ITK: variants seen among roughly 807,000 people sequenced by gnomAD.
The protein encoded by ITK is tyrosine-protein kinase ITK/TSK.
A neutral mutation model predicts 87.6 loss-of-function variants in ITK; 45 were observed. The observed-to-expected ratio is 0.51, with a 90% CI of 0.40 to 0.66. The LOEUF is 0.66. Ranked by LOEUF, ITK falls within the 30% of genes least tolerant of loss-of-function variation. The probability of loss-of-function intolerance (pLI) is 0.00; values close to 1 mark genes in which losing one functional copy is unlikely to be tolerated. For missense variants in ITK, 605 were observed against 766.3 expected, an observed-to-expected ratio of 0.79 and a Z score of 2.48; for synonymous variants, 303 against 273.6, an observed-to-expected ratio of 1.11 and a Z score of -1.06.
intron 1 of ITK, among the ~76,000 whole-genome samples, chr5:157,190,059 C>T (rs1256529378): frequency 6.6e-6 from 1 of 152,166 alleles, no homozygotes; most frequent in Non-Finnish European, 1.5e-5. Flanking sequence ...TTTGGATCAA[C>T]AGTCTTCTCA....
chr5:157,187,725 C>T (rs762220816), intron 1 of ITK, among the ~76,000 whole-genome samples: 1 of 152,144 alleles, frequency 6.6e-6, no homozygotes, highest in African/African-American at 2.4e-5. Flanking sequence ...AATTAAGCAA[C>T]TCTTTTCTCC....
intron 1 of ITK, among the ~76,000 whole-genome samples, chr5:157,193,303 G>T (rs1052931267): frequency 6.6e-6 from 1 of 152,140 alleles, no homozygotes; most frequent in Admixed American, 6.5e-5. Flanking sequence ...GCCAAACATG[G>T]AAATCTTTCC....
chr5:157,213,657 C>T (rs1486134692), intron 3 of ITK: 6 of 426,546 alleles, frequency 1.4e-5, no homozygotes, highest in African/African-American at 1.2e-4. Context: ...ACTGGGATTA[C>T]AAGCATGAGC....
chr5:157,241,945 G>A (rs1754916942), intron 11 of ITK, among the ~76,000 whole-genome samples: 1 of 152,184 alleles, frequency 6.6e-6, no homozygotes, highest in Admixed American at 6.5e-5. Context: ...ATTGGTTTTA[G>A]TGAAGAGTTC....
At chr5:157,241,948 A>C (rs906562291) in intron 11 of ITK, among the ~76,000 whole-genome samples, 2 of 152,192 alleles carry the variant, frequency 1.3e-5, no homozygotes, top group African/African-American at 4.8e-5. Flanking sequence ...GGTTTTAGTG[A>C]AGAGTTCATT....
intron 1 of ITK, among the ~76,000 whole-genome samples, chr5:157,188,094 C>T (rs1311113296): frequency 1.3e-5 from 2 of 152,294 alleles, no homozygotes; most frequent in South Asian, 4.1e-4. Context: ...AGCCACCATG[C>T]CTCGCCATGC....
chr5:157,244,168 C>T, intron 12 of ITK, 94 bp from the exon 13 acceptor site: 1 of 1,006,624 alleles, frequency 9.9e-7, no homozygotes, highest in East Asian at 2.4e-5. Flanking sequence ...ATAAATTAGA[C>T]AAAATGACCA....
rs567009109 is a variant in ITK, at chr5:157,221,561, C to A, written c.496-1302C>A. On this transcript the variant is annotated intron_variant, in intron 5 of 16. Coordinates refer to ENST00000422843, the MANE Select transcript of ITK (RefSeq NM_005546.4). ...CCTCAAACTGTGATGTTCAAAATAA[C>A]CCCCATATTCCAAGCTTGCATGATT... 2.0e-5 allele frequency among the ~76,000 whole-genome samples: 3 copies of A among 152,154 alleles called. No homozygotes were observed. In the East Asian group the frequency reaches 5.8e-4, roughly 29 times the overall value.
chr5:157,186,537 A>T (rs1580872138), intron 1 of ITK, among the ~76,000 whole-genome samples: 1 of 152,272 alleles, frequency 6.6e-6, no homozygotes, highest in East Asian at 1.9e-4. Flanking sequence ...TTAGCCAGGC[A>T]TGGTGGCAGA....
At chr5:157,232,303 A>T in intron 7 of ITK, 37 bp from the exon 8 acceptor site, 1 of 1,393,582 alleles carries the variant, frequency 7.2e-7, no homozygotes, top group Non-Finnish European at 1.0e-6. Context: ...GAAACTTTAA[A>T]ATATGTCATT....
At position 157,228,369 on chromosome 5, in the gene ITK, A is replaced by G; in HGVS notation, c.713+8A>G. On this transcript the variant is annotated splice_region_variant and intron_variant, in intron 7 of 16. Transcript: ENST00000422843. ...TAATCTGGAAACCTATGAGTAAGATATTTTATTTGTTTTTGGAAAATACAG... is the reference window on the plus strand; with the variant it reads ...TAATCTGGAAACCTATGAGTAAGATGTTTTATTTGTTTTTGGAAAATACAG... 6.5e-7 allele frequency: 1 copy of G among 1,544,314 alleles called. No individual in the cohort carries two copies. The highest frequency in any genetic ancestry group is 1.1e-5 in the South Asian group (1 of 89,586).
At chr5:157,181,368 G>T (rs1197669562) in intron 1 of ITK, among the ~76,000 whole-genome samples, 1 of 152,100 alleles carries the variant, frequency 6.6e-6, no homozygotes. Context: ...CCCCTGCAAG[G>T]TTATGTTTGG....
At chr5:157,198,507 G>C (rs374783010) in intron 1 of ITK, among the ~76,000 whole-genome samples, 4 of 152,192 alleles carry the variant, frequency 2.6e-5, no homozygotes, top group South Asian at 4.1e-4. Flanking sequence ...ATGAGTAAGA[G>C]GTCTTATGGA....
intron 1 of ITK, among the ~76,000 whole-genome samples, chr5:157,190,535 C>T (rs996807730): frequency 6.6e-6 from 1 of 152,164 alleles, no homozygotes; most frequent in Non-Finnish European, 1.5e-5. Context: ...ATTACTTGTG[C>T]ACCACCCTAA....
At position 157,255,117 on chromosome 5, in the gene ITK, G is replaced by A. The variant is rs1220835667; in HGVS notation, c.*2439G>A. 1.6e-5 allele frequency: 3 copies of A among 189,494 alleles called. No individual in the cohort carries two copies. The highest frequency in any genetic ancestry group is 7.0e-5 in the African/African-American group (3 of 42,892). The allele number at this position is 189,494 out of a possible 1,614,324, so 11.7% of individuals were successfully genotyped here. A position where few individuals can be genotyped will look rare whatever the true frequency, so the allele number is the denominator to read the frequency against. ...TTACAAATACCTGTTATCCTTTGTA[G>A]AGCACACAGAGTTAAAAGTTGAATA... On this transcript the variant is annotated 3_prime_UTR_variant, in exon 17 of 17. Transcript: ENST00000422843.
chr5:157,212,146 T>C (rs1004422529), intron 3 of ITK, among the ~76,000 whole-genome samples: 6 of 152,156 alleles, frequency 3.9e-5, no homozygotes, highest in African/African-American at 1.4e-4. Context: ...TCTCTATAAA[T>C]TTTGACTAAA....
At chr5:157,245,634 A>C in intron 13 of ITK, 92 bp from the exon 14 acceptor site, 1 of 1,007,988 alleles carries the variant, frequency 9.9e-7, no homozygotes, top group Non-Finnish European at 1.6e-6. Flanking sequence ...ACTGCAGTAA[A>C]GCAAAGGACT....
At chr5:157,220,050 C>T (rs985992030) in intron 5 of ITK, among the ~76,000 whole-genome samples, 1 of 152,234 alleles carries the variant, frequency 6.6e-6, no homozygotes, top group African/African-American at 2.4e-5. Flanking sequence ...GAAATCATTT[C>T]TCTCCTCACC....
intron 15 of ITK, among the ~76,000 whole-genome samples, chr5:157,248,552 G>T (rs1755067951): frequency 6.6e-6 from 1 of 152,058 alleles, no homozygotes; most frequent in South Asian, 2.1e-4. Flanking sequence ...CACACCTCCT[G>T]CACTCCATTC....
Sources: gnomAD v4.1 joint callset for allele counts (sites outside exome capture counted in the v4.1 genomes callset) on GRCh38, gnomAD v4.1.1 for gene constraint, MANE v1.5 for transcripts, NCBI Gene and HGNC (gene_info 2026-07-23, HGNC 2026-07-21) for gene names.